ARHGAP15: variants seen among roughly 807,000 people sequenced by gnomAD.
The protein encoded by ARHGAP15 is Rho GTPase activating protein 15.
A neutral mutation model predicts 63.7 loss-of-function variants in ARHGAP15; 51 were observed. The observed-to-expected ratio is 0.80, with a 90% CI of 0.64 to 1.01. The LOEUF (loss-of-function observed/expected upper bound fraction) is 1.01, where lower values mean the gene tolerates loss of function less well. ARHGAP15 is among the 50% of genes least tolerant of loss of function. ARHGAP15 has a pLI of 0.00. For missense variants in ARHGAP15, 560 were observed against 564.6 expected (o/e 0.99, Z 0.08); for synonymous variants, 191 against 193.8 (o/e 0.99, Z 0.12).
intron 2 of ARHGAP15, among the ~76,000 whole-genome samples, chr2:143,157,491 TA>T (rs1045089516): frequency 3.9e-4 from 59 of 152,002 alleles, no homozygotes; most frequent in African/African-American, 1.4e-3. Context: ...TTAAATTAGC[TA>T]TAATTATCCC....
At chr2:143,630,319 T>C (rs1699011761) in intron 12 of ARHGAP15, among the ~76,000 whole-genome samples, 1 of 152,130 alleles carries the variant, frequency 6.6e-6, no homozygotes, top group African/African-American at 2.4e-5. Flanking sequence ...TATTTATATG[T>C]ACACAATGTT....
chr2:143,747,918 T>C (rs1237863064), intron 13 of ARHGAP15, among the ~76,000 whole-genome samples: 1 of 152,206 alleles, frequency 6.6e-6, no homozygotes, highest in Admixed American at 6.5e-5. Flanking sequence ...GAGACTTCCT[T>C]GTCTGAGGCA....
chr2:143,235,720 C>T (rs745437694), intron 5 of ARHGAP15, among the ~76,000 whole-genome samples: 4 of 152,154 alleles, frequency 2.6e-5, no homozygotes, highest in African/African-American at 7.2e-5. Context: ...GAAGTGAAAA[C>T]TTTTTCCTCA....
intron 6 of ARHGAP15, among the ~76,000 whole-genome samples, chr2:143,309,483 T>C (rs973277054): frequency 2.6e-5 from 4 of 152,108 alleles, no homozygotes; most frequent in Non-Finnish European, 5.9e-5. Context: ...ACTATACTGA[T>C]GTCAATGCCC....
chr2:143,460,521 C>G (rs551917288), intron 8 of ARHGAP15, among the ~76,000 whole-genome samples: 7 of 152,242 alleles, frequency 4.6e-5, no homozygotes, highest in African/African-American at 1.7e-4. Context: ...GACAAAGTAT[C>G]TGAATAATGT....
At chr2:143,718,996 T>A (rs1229187793) in intron 13 of ARHGAP15, among the ~76,000 whole-genome samples, 2 of 152,240 alleles carry the variant, frequency 1.3e-5, no homozygotes, top group Non-Finnish European at 2.9e-5. Flanking sequence ...ACCAGCCTAT[T>A]TTTAACAGGC....
intron 8 of ARHGAP15, among the ~76,000 whole-genome samples, chr2:143,470,441 C>T (rs534034442): frequency 2.6e-5 from 4 of 151,490 alleles, no homozygotes; most frequent in Non-Finnish European, 5.9e-5. Flanking sequence ...GAGCATAGGG[C>T]TTTTCCATAA....
intron 10 of ARHGAP15, among the ~76,000 whole-genome samples, chr2:143,542,761 A>G (rs1695147239): frequency 1.0e-5 from 1 of 96,934 alleles, no homozygotes; most frequent in South Asian, 2.7e-4. Flanking sequence ...ATATAATATC[A>G]CATATATAAT....
intron 13 of ARHGAP15, among the ~76,000 whole-genome samples, chr2:143,759,273 A>G (rs2105545086): frequency 6.6e-6 from 1 of 152,280 alleles, no homozygotes; most frequent in South Asian, 2.1e-4. Context: ...GAGGAAGAGT[A>G]CATGGGAAGG....
intron 13 of ARHGAP15, among the ~76,000 whole-genome samples, chr2:143,743,181 T>C (rs1159736771): frequency 6.6e-6 from 1 of 152,220 alleles, no homozygotes; most frequent in Non-Finnish European, 1.5e-5. Context: ...GTTTAAACCT[T>C]GGCACAGCAT....
At chr2:143,418,613 A>G (rs1251860785) in intron 6 of ARHGAP15, among the ~76,000 whole-genome samples, 2 of 152,192 alleles carry the variant, frequency 1.3e-5, no homozygotes, top group African/African-American at 4.8e-5. Flanking sequence ...CCTTCAGATG[A>G]TTTCTAAGAA....
At chr2:143,577,032 A>C (rs1238588024) in intron 11 of ARHGAP15, among the ~76,000 whole-genome samples, 1 of 152,106 alleles carries the variant, frequency 6.6e-6, no homozygotes, top group African/African-American at 2.4e-5. Context: ...AAAGCAAATC[A>C]CTTGAAAGAG....
At chr2:143,534,505 G>C (rs1175606076) in intron 10 of ARHGAP15, among the ~76,000 whole-genome samples, 1 of 151,950 alleles carries the variant, frequency 6.6e-6, no homozygotes, top group African/African-American at 2.4e-5. Context: ...CCAGAGAAGA[G>C]ACAGGCCTGG....
chr2:143,536,449 T>C (rs1694766613), intron 10 of ARHGAP15, among the ~76,000 whole-genome samples: 1 of 151,968 alleles, frequency 6.6e-6, no homozygotes, highest in African/African-American at 2.4e-5. Context: ...TGTGTACATG[T>C]GCCATGTTGG....
intron 11 of ARHGAP15, among the ~76,000 whole-genome samples, chr2:143,586,603 T>C (rs1319179921): frequency 2.6e-5 from 4 of 151,394 alleles, no homozygotes; most frequent in African/African-American, 9.7e-5. Context: ...TCCTGAGCTC[T>C]ACCCACTGCT....
intron 5 of ARHGAP15, among the ~76,000 whole-genome samples, chr2:143,241,758 G>A (rs925281908): frequency 1.3e-5 from 2 of 152,166 alleles, no homozygotes; most frequent in South Asian, 2.1e-4. Context: ...CTCAATCCTG[G>A]TTTTCTGGAA....
At chr2:143,358,357 A>G (rs558319952) in intron 6 of ARHGAP15, among the ~76,000 whole-genome samples, 1 of 152,206 alleles carries the variant, frequency 6.6e-6, no homozygotes, top group African/African-American at 2.4e-5. Flanking sequence ...TCCCTAAGCC[A>G]GTGCAGCATT....
chr2:143,159,447 G>A (rs1026252949), intron 2 of ARHGAP15, among the ~76,000 whole-genome samples: 1 of 151,914 alleles, frequency 6.6e-6, no homozygotes, highest in Non-Finnish European at 1.5e-5. Context: ...CAAGCTTATA[G>A]TTAGGTTTGA....
intron 11 of ARHGAP15, among the ~76,000 whole-genome samples, chr2:143,575,974 GT>G (rs565483014): frequency 6.6e-6 from 1 of 152,072 alleles, no homozygotes; most frequent in Non-Finnish European, 1.5e-5. Context: ...TGGAAGGAAT[GT>G]GTTATTCTGA....
Sources: gnomAD v4.1 joint callset for allele counts (sites outside exome capture counted in the v4.1 genomes callset) on GRCh38, gnomAD v4.1.1 for gene constraint, MANE v1.5 for transcripts, NCBI Gene and HGNC (gene_info 2026-07-23, HGNC 2026-07-21) for gene names.